FAM227B: variants seen among roughly 807,000 people sequenced by gnomAD.
FAM227B encodes family with sequence similarity 227 member B.
In FAM227B, 88 loss-of-function variants were observed where a neutral mutation model predicts 73.8. The ratio of observed to expected loss-of-function variants is 1.19; its 90% CI spans 1.00 to 1.42. The LOEUF (loss-of-function observed/expected upper bound fraction) is 1.42. Among genes scored for constraint, FAM227B ranks in the 40% most tolerant of loss-of-function variants. The probability of loss-of-function intolerance (pLI) is 0.00; values close to 1 mark genes in which losing one functional copy is unlikely to be tolerated. For synonymous variants in FAM227B, 210 were observed against 190.5 expected, an observed-to-expected ratio of 1.10 and a Z score of -0.84; for missense variants, 632 against 590.9, an observed-to-expected ratio of 1.07 and a Z score of -0.72.
At chr15:49,598,591 T>C (rs570609431) in intron 3 of FAM227B, among the ~76,000 whole-genome samples, 1 of 152,110 alleles carries the variant, frequency 6.6e-6, no homozygotes, top group Non-Finnish European at 1.5e-5. Flanking sequence ...GGCTTTCATA[T>C]ACGGTCCTTA....
At position 49,568,358 on chromosome 15, in the gene FAM227B, G is replaced by A. The variant is rs769426150; in HGVS notation, c.646-12C>T. ...TTTTCTCTGTCAGGCTTAAAAAAAT[G>A]TGTGAAATTAAAGTCAATATTACAA... On this transcript the variant is annotated splice_polypyrimidine_tract_variant and intron_variant, in intron 8 of 15. Coordinates refer to ENST00000299338, the MANE Select transcript of FAM227B (RefSeq NM_152647.3). 1.9e-6 allele frequency: 3 copies of A among 1,585,682 alleles called. No homozygotes were observed. The highest frequency in any genetic ancestry group is 1.7e-6 in the Non-Finnish European group (2 of 1,162,240).
chr15:49,585,393 G>A (rs1366945411), intron 5 of FAM227B, among the ~76,000 whole-genome samples: 3 of 152,270 alleles, frequency 2.0e-5, no homozygotes, highest in East Asian at 1.9e-4. Context: ...ACATGCACAC[G>A]TATGCTTACT....
At chr15:49,378,710 T>G (rs2046327730) in intron 11 of FAM227B, among the ~76,000 whole-genome samples, 1 of 152,284 alleles carries the variant, frequency 6.6e-6, no homozygotes, top group Non-Finnish European at 1.5e-5. Flanking sequence ...GTGGAGTCTT[T>G]AGGTTTTTCC....
At position 49,331,850 on chromosome 15, in the gene FAM227B, C is replaced by G. The variant is rs1187749541; in HGVS notation, c.1350-1G>C. On this transcript the variant is annotated splice_acceptor_variant, in intron 14 of 15. Transcript: ENST00000299338. LOFTEE classifies it high-confidence loss of function. ...TTTCTTGGTAGCCTTTGCTTGGAGTCTAATCATGGAATAAAGAAAATCAGT... is the reference window on the plus strand; with the variant it reads ...TTTCTTGGTAGCCTTTGCTTGGAGTGTAATCATGGAATAAAGAAAATCAGT... 1 of 1,598,002 alleles carries G rather than the reference C, an allele frequency of 6.3e-7. No individual in the cohort carries two copies. The highest frequency in any genetic ancestry group is 1.7e-5 in the Admixed American group (1 of 59,940).
chr15:49,550,273 T>A (rs1340632918), intron 9 of FAM227B, among the ~76,000 whole-genome samples: 2 of 101,372 alleles, frequency 2.0e-5, no homozygotes, highest in Admixed American at 1.0e-4. Context: ...CACTTCCCAG[T>A]AGGGGCGGCC....
chr15:49,605,719 T>C (rs2077476936), intron 3 of FAM227B, among the ~76,000 whole-genome samples: 1 of 151,388 alleles, frequency 6.6e-6, no homozygotes, highest in African/African-American at 2.4e-5. Flanking sequence ...GGAGCCTGCC[T>C]CCCCTGGAAA....
At chr15:49,363,553 A>T (rs1297170709) in intron 13 of FAM227B, among the ~76,000 whole-genome samples, 2 of 152,128 alleles carry the variant, frequency 1.3e-5, no homozygotes, top group Non-Finnish European at 2.9e-5. Flanking sequence ...TACATATAGG[A>T]TCATATTGTC....
intron 9 of FAM227B, among the ~76,000 whole-genome samples, chr15:49,562,774 A>C (rs938117060): frequency 6.6e-6 from 1 of 152,192 alleles, no homozygotes; most frequent in African/African-American, 2.4e-5. Flanking sequence ...TAGATGCAGA[A>C]AAAGCATTTG....
chr15:49,605,160 C>G (rs2077435679), intron 3 of FAM227B, among the ~76,000 whole-genome samples: 1 of 152,136 alleles, frequency 6.6e-6, no homozygotes, highest in South Asian at 2.1e-4. Flanking sequence ...GGCTTCAGCA[C>G]AAAAGCCCTT....
intron 11 of FAM227B, chr15:49,424,637 T>C: frequency 7.4e-7 from 1 of 1,355,280 alleles, no homozygotes; most frequent in Non-Finnish European, 1.0e-6. Flanking sequence ...AATGGATCAA[T>C]TTTCAGGTGA....
intron 9 of FAM227B, among the ~76,000 whole-genome samples, chr15:49,552,685 T>G (rs959208038): frequency 2.0e-5 from 3 of 152,152 alleles, no homozygotes; most frequent in Non-Finnish European, 4.4e-5. Flanking sequence ...TTCTTTTGAT[T>G]TCCTTGTGTT....
chr15:49,532,781 T>G (rs1394777537), intron 10 of FAM227B, among the ~76,000 whole-genome samples: 1 of 151,950 alleles, frequency 6.6e-6, no homozygotes, highest in Non-Finnish European at 1.5e-5. Flanking sequence ...TCTAAGATCA[T>G]AGAGTCACAC....
At chr15:49,395,914 T>G (rs2047553614) in intron 11 of FAM227B, 1 of 455,726 alleles carries the variant, frequency 2.2e-6, no homozygotes, top group Non-Finnish European at 4.4e-6. Flanking sequence ...GGTTCTTAAT[T>G]TAAGGCCCAT....
At chr15:49,413,632 C>T (rs2049018357) in intron 11 of FAM227B, among the ~76,000 whole-genome samples, 1 of 152,022 alleles carries the variant, frequency 6.6e-6, no homozygotes, top group Admixed American at 6.6e-5. Flanking sequence ...AAACATTCTC[C>T]AAAAAGTTTT....
intron 10 of FAM227B, among the ~76,000 whole-genome samples, chr15:49,519,021 T>C (rs1027108267): frequency 1.3e-5 from 2 of 152,248 alleles, no homozygotes; most frequent in African/African-American, 4.8e-5. Flanking sequence ...TAAATACACC[T>C]GTTCCAAATG....
intron 13 of FAM227B, among the ~76,000 whole-genome samples, chr15:49,349,593 G>T (rs1199293217): frequency 5.9e-5 from 9 of 152,092 alleles, no homozygotes; most frequent in Admixed American, 5.9e-4. Context: ...TCAAGTAGGG[G>T]AGTTATTAGG....
chr15:49,346,523 C>G (rs2041528637), intron 13 of FAM227B, among the ~76,000 whole-genome samples: 1 of 152,036 alleles, frequency 6.6e-6, no homozygotes, highest in South Asian at 2.1e-4. Context: ...GCAGCTTTGC[C>G]AATAAATCTT....
intron 11 of FAM227B, among the ~76,000 whole-genome samples, chr15:49,455,556 G>C (rs10519229): frequency 0.022 from 3,349 of 152,182 alleles, 91 homozygotes; most frequent in South Asian, 0.079. Flanking sequence ...CTGAATTTCT[G>C]GGTAGGTCCA....
intron 11 of FAM227B, among the ~76,000 whole-genome samples, chr15:49,433,187 C>A (rs974817556): frequency 6.6e-6 from 1 of 151,426 alleles, no homozygotes; most frequent in Non-Finnish European, 1.5e-5. Flanking sequence ...CAATACAGAG[C>A]CAGTAATGGT....
Sources: allele counts gnomAD v4.1 joint callset (sites outside exome capture counted in the v4.1 genomes callset), GRCh38; gene constraint gnomAD v4.1.1; transcripts MANE v1.5; gene names NCBI Gene and HGNC (gene_info 2026-07-23, HGNC 2026-07-21).